The following LAMA2 variants were observed in gnomAD, a reference collection of about 807,000 sequenced individuals.
The protein encoded by LAMA2 is laminin subunit alpha-2.
A neutral mutation model predicts 364.8 loss-of-function variants in LAMA2; 269 were observed. The ratio of observed to expected loss-of-function variants is 0.74; its 90% CI spans 0.67 to 0.82. The LOEUF is 0.82. LAMA2 is among the 40% of genes least tolerant of loss of function. The pLI, the probability that LAMA2 is intolerant of heterozygous loss-of-function variation, is 0.00. For missense variants in LAMA2, 3,807 were observed against 3,873.2 expected (o/e 0.98, Z 0.45); for synonymous variants, 1,379 against 1,370.6 (o/e 1.01, Z -0.14).
At chr6:129,129,923 CAAA>C (rs543305057) in intron 4 of LAMA2, among the ~76,000 whole-genome samples, 4 of 76,282 alleles carry the variant, frequency 5.2e-5, no homozygotes, top group Non-Finnish European at 8.5e-5. Context: ...GATTCCGTCT[CAAA>C]AAAAAAAAAA....
chr6:128,916,953 A>G (rs2087906951), intron 1 of LAMA2, among the ~76,000 whole-genome samples: 1 of 152,228 alleles, frequency 6.6e-6, no homozygotes, highest in Admixed American at 6.5e-5. Context: ...TTTAAGCATT[A>G]GGTTTGAGAT....
intron 46 of LAMA2, among the ~76,000 whole-genome samples, chr6:129,453,715 C>T (rs1323417446): frequency 6.6e-6 from 1 of 152,058 alleles, no homozygotes; most frequent in African/African-American, 2.4e-5. Context: ...TCATTCATGG[C>T]ATAAGTCAAT....
rs201632009 is a variant in LAMA2 at position 129,383,212 on chromosome 6, G to C, written c.5050G>C (p.Glu1684Gln). 1 of 1,613,248 alleles carries C rather than the reference G, an allele frequency of 6.2e-7. No individual in the cohort carries two copies. The highest frequency in any genetic ancestry group is 8.5e-7 in the Non-Finnish European group (1 of 1,179,524). ...AAAGTCCCTGGGAGAATTCATTAAG[G>C]AGCTTGCCCGGGATGCAGAAGGTAT... ...RAKSLGEFIK[E>Q]LARDAEAVNE... The change falls in exon 35 of 65, where the codon GAG becomes CAG. Residue 1684 changes from glutamate to glutamine, a missense_variant. Coordinates refer to ENST00000421865, the MANE Select transcript of LAMA2 (RefSeq NM_000426.4).
chr6:129,180,840 T>A (rs1480226798), intron 10 of LAMA2, among the ~76,000 whole-genome samples: 1 of 151,710 alleles, frequency 6.6e-6, no homozygotes, highest in East Asian at 1.9e-4. Flanking sequence ...GGTCATGGGG[T>A]GGAGGGTGGG....
At chr6:129,148,835 C>T (rs1244551561) in intron 6 of LAMA2, 144 bp from the exon 7 acceptor site, 7 of 755,456 alleles carry the variant, frequency 9.3e-6, no homozygotes, top group South Asian at 7.0e-5. Flanking sequence ...AGCCTGGCAC[C>T]ACTTTCTTCC....
rs199726173 is a variant in LAMA2 at position 129,256,763 on chromosome 6, C to CATATATATATATAT, written c.2097-3924_2097-3911dup. The stretch of plus-strand genomic sequence containing the variant: ...TATATATAAAAAACAAATTATATAG[C>CATATATATATATAT]ATATATATATATATATATATATATA... On this transcript the variant is annotated intron_variant, in intron 14 of 64. Transcript: ENST00000421865. Among the ~76,000 whole-genome samples the CATATATATATATAT allele has an allele frequency of 4.5e-4, 40 of 87,948 alleles. 2 individuals carry two copies. The highest frequency in any genetic ancestry group is 5.9e-4 in the Non-Finnish European group (26 of 44,232). 57.7% of individuals were successfully genotyped at this position (87,948 alleles called of 152,430 possible).
At chr6:128,917,609 T>A (rs991379058) in intron 1 of LAMA2, among the ~76,000 whole-genome samples, 3 of 152,038 alleles carry the variant, frequency 2.0e-5, no homozygotes, top group Admixed American at 6.6e-5. Flanking sequence ...ACAACCACTT[T>A]ACTGAATGTG....
At chr6:129,394,696 C>T (rs1385253433) in intron 37 of LAMA2, among the ~76,000 whole-genome samples, 3 of 152,110 alleles carry the variant, frequency 2.0e-5, no homozygotes, top group Non-Finnish European at 4.4e-5. Flanking sequence ...TTATGGCAAC[C>T]GTTTGATAAA....
chr6:128,973,353 T>C (rs973934799), intron 1 of LAMA2, among the ~76,000 whole-genome samples: 2 of 152,186 alleles, frequency 1.3e-5, no homozygotes, highest in African/African-American at 4.8e-5. Context: ...ATAAGAGAGT[T>C]TGACATTCTT....
intron 4 of LAMA2, among the ~76,000 whole-genome samples, chr6:129,115,557 T>A (rs1457714646): frequency 3.3e-5 from 5 of 152,250 alleles, no homozygotes; most frequent in Non-Finnish European, 5.9e-5. Context: ...AATTCCTAAA[T>A]TCCTTAGGAA....
At chr6:129,170,719 G>C (rs1312440748) in intron 9 of LAMA2, among the ~76,000 whole-genome samples, 2 of 152,086 alleles carry the variant, frequency 1.3e-5, no homozygotes, top group African/African-American at 2.4e-5. Flanking sequence ...GGGTATCCTT[G>C]TTGACTTCTT....
In LAMA2 at chr6:129,383,103, C is replaced by T. The variant is rs749937754; in HGVS notation, c.4960-19C>T. 6 of 1,598,710 alleles carry T rather than the reference C, an allele frequency of 3.8e-6. No homozygotes were observed. The highest frequency in any genetic ancestry group is 5.1e-6 in the Non-Finnish European group (6 of 1,166,848). On this transcript the variant is annotated intron_variant, in intron 34 of 64. Coordinates refer to ENST00000421865, the MANE Select transcript of LAMA2 (RefSeq NM_000426.4). ...CATCATCTCTATTAATTATGTGTTT[C>T]CCGAATTTGGATCATTAGGCTACCA...
Position 129,516,246 on chromosome 6 carries a change from T to TCCCTGAAGCTCACCA in LAMA2, c.9269_9283dup (p.Thr3094_Lys3095insThrLeuLysLeuThr), listed in dbSNP as rs1554321191. 1.9e-6 allele frequency: 3 copies of TCCCTGAAGCTCACCA among 1,614,030 alleles called. No homozygotes were observed. The highest frequency in any genetic ancestry group is 2.5e-6 in the Non-Finnish European group (3 of 1,179,978). On this transcript the variant is annotated inframe_insertion, in exon 65 of 65. Transcript: ENST00000421865. ...TATTCCGTTCCGAGGTTGCATCAGA[T>TCCCTGAAGCTCACCA]CCCTGAAGCTCACCAAAGGCACAGG...
At chr6:129,276,398 A>G (rs1332158681) in intron 17 of LAMA2, among the ~76,000 whole-genome samples, 1 of 152,140 alleles carries the variant, frequency 6.6e-6, no homozygotes. Flanking sequence ...CCAAGAAGCA[A>G]TTCATTATAT....
chr6:128,995,998 A>G (rs1302476280), intron 1 of LAMA2, among the ~76,000 whole-genome samples: 1 of 152,142 alleles, frequency 6.6e-6, no homozygotes. Flanking sequence ...TATTGATAGT[A>G]TCAACATGAC....
Position 129,355,152 on chromosome 6 carries a change from G to T in LAMA2, c.4717+1795G>T, listed in dbSNP as rs9483011. 8.9e-3 allele frequency among the ~76,000 whole-genome samples: 1,353 copies of T among 152,160 alleles called. 21 individuals are homozygous for T. Among genetic ancestry groups the T allele is most frequent in the African/African-American group, 0.031 (1,301 of 41,524 alleles). On this transcript the variant is annotated intron_variant, in intron 32 of 64. Coordinates refer to ENST00000421865, the MANE Select transcript of LAMA2 (RefSeq NM_000426.4). ...TTGTTTTTGATATCTAGACTCTTTT[G>T]CTAAAGCACAGTTAATTATCTTATA...
intron 64 of LAMA2, 37 bp downstream of exon 64, chr6:129,514,632 CTCTTA>C (rs1562644838): frequency 4.0e-6 from 6 of 1,487,240 alleles, no homozygotes; most frequent in Non-Finnish European, 4.7e-6. Context: ...TTTCTTTGCT[CTCTTA>C]TGTTACTGGT....
intron 35 of LAMA2, among the ~76,000 whole-genome samples, chr6:129,390,253 G>A (rs1282583580): frequency 6.6e-6 from 1 of 152,080 alleles, no homozygotes; most frequent in Non-Finnish European, 1.5e-5. Context: ...TGAGTCTGTA[G>A]GTTTGTGGCA....
intron 8 of LAMA2, among the ~76,000 whole-genome samples, chr6:129,162,700 C>T (rs1315780976): frequency 6.6e-6 from 1 of 151,902 alleles, no homozygotes; most frequent in Non-Finnish European, 1.5e-5. Context: ...ATCTTTAATT[C>T]ACTAGATGAT....
Sources: gnomAD v4.1 joint callset for allele counts (sites outside exome capture counted in the v4.1 genomes callset) on GRCh38, gnomAD v4.1.1 for gene constraint, MANE v1.5 for transcripts, NCBI Gene and HGNC (gene_info 2026-07-23, HGNC 2026-07-21) for gene names.